NUMA1: variants seen among roughly 807,000 people sequenced by gnomAD.
The protein encoded by NUMA1 is SP-H antigen.
NUMA1 carries 62 observed loss-of-function variants against 237.1 expected under a neutral mutation model. That is an observed-to-expected ratio of 0.26 (90% confidence interval 0.21 to 0.32). NUMA1 has a LOEUF of 0.32. Ranked by LOEUF, NUMA1 falls within the 10% of genes least tolerant of loss-of-function variation. The probability of loss-of-function intolerance (pLI) is 1.00; values close to 1 mark genes in which losing one functional copy is unlikely to be tolerated. For missense variants in NUMA1, 2,533 were observed against 2,666.5 expected (o/e 0.95, Z 1.10); for synonymous variants, 1,028 against 1,066.1 (o/e 0.96, Z 0.70).
At chr11:72,068,129 G>C (rs935855497) in intron 2 of NUMA1, 5 of 152,238 alleles carry the variant, frequency 3.3e-5, no homozygotes, top group African/African-American at 1.2e-4. Flanking sequence ...GATTGATTTG[G>C]GTGTGTTGGT....
In NUMA1 at chr11:72,016,142, C is replaced by T. The variant is rs760611124; in HGVS notation, c.1361G>A (p.Arg454Gln). ...GQQEAKLLAE[R>Q]GHFEEEKQQL... ...CTGCTTTTCTTCTTCGAAGTGGCCC[C>T]GCTCAGCAAGCAGCTTGGCTTCCTG... The change falls in exon 15 of 27, where the codon CGG (arginine) becomes CAG (glutamine). Residue 454 changes from arginine to glutamine, a missense_variant. Arg to Gln is a conservative substitution (Grantham distance 43, BLOSUM62 1). Around this residue, in one of 3 missense-constraint regions of NUMA1, gnomAD observed 1,414 missense variants for 1,508.1 expected, o/e 0.94. Transcript: ENST00000393695. The T allele has an allele frequency of 3.3e-5, 54 of 1,613,916 alleles. No homozygotes were observed. The highest frequency in any genetic ancestry group is 4.2e-5 in the Non-Finnish European group (49 of 1,179,994).
chr11:72,004,540 G>A, intron 24 of NUMA1, 100 bp downstream of exon 24: 1 of 1,304,470 alleles, frequency 7.7e-7, no homozygotes, highest in East Asian at 2.3e-5. Context: ...AAGAGAGGGG[G>A]AAGTGAGGGA....
In NUMA1 at chr11:72,013,065, A is replaced by G. The variant is rs369816132; in HGVS notation, c.4438T>C (p.Leu1480=). 31 of 1,613,048 alleles carry G rather than the reference A, an allele frequency of 1.9e-5. No individual in the cohort carries two copies. In the African/African-American group the frequency reaches 4.0e-4, roughly 21 times the overall value. ...DQAREKYVQE[L]AAVRADAETR... ...TCAGCATCAGCACGTACGGCTGCCA[A>G]CTCTTGGACATACTTCTCCCGGGCC... is the stretch of plus-strand genomic sequence containing the variant. Residue 1480 remains leucine (L), a synonymous_variant, in exon 15 of 27, where the codon TTG becomes CTG. Coordinates refer to ENST00000393695, the MANE Select transcript of NUMA1 (RefSeq NM_006185.4). This position sits in a 1 kb window ranked among gnomAD's most constrained non-coding sequence, Gnocchi z 6.8.
intron 22 of NUMA1, 144 bp downstream of exon 22, chr11:72,005,891 G>A (rs1488484258): frequency 4.3e-6 from 3 of 698,958 alleles, no homozygotes; most frequent in East Asian, 5.3e-5. Context: ...AGGCCCTGAG[G>A]CTGCAGGAAG....
chr11:72,023,220 T>G (rs1939134489), intron 5 of NUMA1, 73 bp from the exon 6 acceptor site: 2 of 1,122,596 alleles, frequency 1.8e-6, no homozygotes, highest in African/African-American at 3.1e-5. Context: ...AACACTGAAA[T>G]CTGGGGAGCA....
intron 2 of NUMA1, chr11:72,040,517 T>G (rs1464119143): frequency 7.2e-6 from 1 of 139,372 alleles, no homozygotes; most frequent in African/African-American, 2.8e-5. Context: ...CACACTGACC[T>G]GGGCCCCCCA....
chr11:72,053,996 A>G (rs1274729359), intron 2 of NUMA1, among the ~76,000 whole-genome samples: 1 of 152,204 alleles, frequency 6.6e-6, no homozygotes, highest in Non-Finnish European at 1.5e-5. Context: ...TTTTATATAG[A>G]GACTTGAGCA....
intron 1 of NUMA1, among the ~76,000 whole-genome samples, chr11:72,072,052 T>C (rs1362252062): frequency 6.6e-6 from 1 of 152,056 alleles, no homozygotes; most frequent in African/African-American, 2.4e-5. Context: ...ATGAGGGGTA[T>C]AGTAGGAAAT....
At chr11:72,017,115 T>TGGGA (rs1318218113) in intron 13 of NUMA1, 1 of 163,500 alleles carries the variant, frequency 6.1e-6, no homozygotes, top group Non-Finnish European at 1.3e-5. Context: ...CCCGAGTAGC[T>TGGGA]GGGACTACAG....
intron 20 of NUMA1, 62 bp downstream of exon 20, chr11:72,008,626 T>A: frequency 6.6e-7 from 1 of 1,526,614 alleles, no homozygotes; most frequent in African/African-American, 1.4e-5. Context: ...CTCACTAGGA[T>A]ACAGCCTGAT....
chr11:72,032,724 CAA>C (rs1407450713), intron 3 of NUMA1, among the ~76,000 whole-genome samples: 2 of 152,186 alleles, frequency 1.3e-5, no homozygotes, highest in Admixed American at 1.3e-4. Context: ...CCACATAACT[CAA>C]GAGTTGCCTT....
intron 6 of NUMA1, 69 bp from the exon 7 acceptor site, chr11:72,022,488 G>C: frequency 9.5e-7 from 1 of 1,054,750 alleles, no homozygotes; most frequent in East Asian, 2.4e-5. Context: ...ATTCTGGGCT[G>C]TTCTGGGGAC....
chr11:72,075,108 A>C (rs1395615672), intron 1 of NUMA1, among the ~76,000 whole-genome samples: 3 of 152,146 alleles, frequency 2.0e-5, no homozygotes, highest in African/African-American at 7.2e-5. Context: ...AGATAACCTG[A>C]AGCCCTTCCT....
intron 2 of NUMA1, among the ~76,000 whole-genome samples, chr11:72,037,700 G>A (rs1941198389): frequency 6.6e-6 from 1 of 152,140 alleles, no homozygotes; most frequent in African/African-American, 2.4e-5. Flanking sequence ...AGTGCTTCCT[G>A]ACCCTGCAAC....
At chr11:72,008,178 T>C (rs144363991) in intron 20 of NUMA1, 568 of 473,644 alleles carry the variant, frequency 1.2e-3, no homozygotes, top group African/African-American at 9.9e-3. Flanking sequence ...AAGTGTTTAA[T>C]AAAAACATTT....
At chr11:72,070,912 T>C (rs1943419525) in intron 1 of NUMA1, among the ~76,000 whole-genome samples, 1 of 152,218 alleles carries the variant, frequency 6.6e-6, no homozygotes, top group Non-Finnish European at 1.5e-5. Context: ...TAAATAGTTA[T>C]TAATACTCTA....
intron 1 of NUMA1, among the ~76,000 whole-genome samples, chr11:72,072,740 AT>A (rs1591088728): frequency 6.6e-6 from 1 of 152,010 alleles, no homozygotes; most frequent in East Asian, 1.9e-4. Context: ...TCCTCCTCCA[AT>A]TTGCCAGAGG....
chr11:72,053,202 T>C (rs1326052488), intron 2 of NUMA1, among the ~76,000 whole-genome samples: 2 of 152,236 alleles, frequency 1.3e-5, no homozygotes, highest in Admixed American at 6.5e-5. Flanking sequence ...TCCAAGCTGG[T>C]CTCGAACTCC....
intron 4 of NUMA1, among the ~76,000 whole-genome samples, chr11:72,027,578 G>T (rs1939748116): frequency 6.6e-6 from 1 of 151,928 alleles, no homozygotes. Context: ...GTGGTGTCGA[G>T]TGGGGAGAGA....
Sources: allele counts gnomAD v4.1 joint callset (sites outside exome capture counted in the v4.1 genomes callset), GRCh38; gene constraint gnomAD v4.1.1; regional missense constraint gnomAD v4.1.1; non-coding constraint Gnocchi (gnomAD v3.1); transcripts MANE v1.5; gene names NCBI Gene and HGNC (gene_info 2026-07-23, HGNC 2026-07-21).